ROCK2: variants seen among roughly 807,000 people sequenced by gnomAD.
ROCK2 encodes rho-associated protein kinase 2.
ROCK2 carries 61 observed loss-of-function variants against 195.1 expected under a neutral mutation model. The observed-to-expected ratio is 0.31, with a 90% CI of 0.25 to 0.39. The LOEUF (loss-of-function observed/expected upper bound fraction) is 0.39. ROCK2 is among the 10% of genes least tolerant of loss of function. The pLI is 1.00. For missense variants in ROCK2, 1,109 were observed against 1,637.4 expected, an observed-to-expected ratio of 0.68 and a Z score of 5.57; for synonymous variants, 504 against 545.5, an observed-to-expected ratio of 0.92 and a Z score of 1.06.
intron 1 of ROCK2, among the ~76,000 whole-genome samples, chr2:11,305,085 G>T (rs1042849043): frequency 6.6e-6 from 1 of 152,128 alleles, no homozygotes; most frequent in Admixed American, 6.5e-5. Context: ...TTATATAAAA[G>T]ATACAGGGGG....
In ROCK2 at chr2:11,201,706, T is replaced by C. The variant is rs532240230; in HGVS notation, c.2620-293A>G. 7.9e-5 allele frequency among the ~76,000 whole-genome samples: 12 copies of C among 152,242 alleles called. No individual in the cohort carries two copies. The South Asian group carries it at 2.3e-3, about 29-fold the overall frequency. The stretch of plus-strand genomic sequence containing the variant: ...AGGAGGCAAGGAAAAACATTAACAA[T>C]TTAGACAAAAAAATGTTATTGGCTT... On this transcript the variant is annotated intron_variant, in intron 21 of 32. Transcript: ENST00000315872. The surrounding 1 kb of genome is among the most constrained non-coding windows in gnomAD (Gnocchi z 4.6).
intron 1 of ROCK2, among the ~76,000 whole-genome samples, chr2:11,293,581 A>AT (rs1233660382): frequency 6.6e-6 from 1 of 151,866 alleles, no homozygotes; most frequent in Non-Finnish European, 1.5e-5. Context: ...AGTATTATTA[A>AT]TTTTTCCTTT....
Position 11,249,719 on chromosome 2 carries a change from G to A in ROCK2, c.404C>T (p.Ala135Val), listed in dbSNP as rs1226451739. The A allele has an allele frequency of 6.3e-7, 1 of 1,584,588 alleles. No homozygotes were observed. Among genetic ancestry groups the A allele is most frequent in the Non-Finnish European group, 8.6e-7 (1 of 1,167,062 alleles). ...AATATCTCTTTCTTCCCAAAAAAAG[G>A]CAGAATCTGATCTTTTTATCATTTC... is the stretch of plus-strand genomic sequence containing the variant. ...KFEMIKRSDS[A>V]FFWEERDIMA... Residue 135 changes from alanine to valine, a missense_variant, in exon 4 of 33, where the codon GCC becomes GTC. Physicochemically the swap from Ala to Val is moderately conservative, Grantham distance 64 (BLOSUM62 0). This residue lies in a region of ROCK2 where 253 missense variants were observed against 455.5 expected (regional missense o/e 0.56). Transcript: ENST00000315872.
intron 1 of ROCK2, among the ~76,000 whole-genome samples, chr2:11,295,886 G>A (rs1453117514): frequency 2.0e-5 from 3 of 151,786 alleles, no homozygotes; most frequent in Non-Finnish European, 4.4e-5. Context: ...AAACCCAAGA[G>A]GCGGAGCTTG....
At chr2:11,326,110 T>G (rs1668542543) in intron 1 of ROCK2, among the ~76,000 whole-genome samples, 1 of 152,156 alleles carries the variant, frequency 6.6e-6, no homozygotes, top group Non-Finnish European at 1.5e-5. Flanking sequence ...GCCCAGTAGG[T>G]AGCTGGATAT....
At chr2:11,315,438 A>T (rs949282503) in intron 1 of ROCK2, among the ~76,000 whole-genome samples, 8 of 151,902 alleles carry the variant, frequency 5.3e-5, no homozygotes, top group Non-Finnish European at 7.4e-5. Context: ...ACAGTTTAAA[A>T]TTTTTTTAAT....
chr2:11,205,955 A>G (rs537177078), intron 20 of ROCK2, among the ~76,000 whole-genome samples: 1 of 152,230 alleles, frequency 6.6e-6, no homozygotes, highest in African/African-American at 2.4e-5. Flanking sequence ...CTAAAAATAC[A>G]AAAATAAGCC....
intron 32 of ROCK2, among the ~76,000 whole-genome samples, chr2:11,185,449 C>T (rs989724091): frequency 6.6e-6 from 1 of 152,194 alleles, no homozygotes; most frequent in Non-Finnish European, 1.5e-5. Flanking sequence ...AGCCACCTGG[C>T]CAGATGCGGT....
chr2:11,249,815 A>G lies in ROCK2; in HGVS notation c.325-17T>C. The G allele has an allele frequency of 6.8e-7, 1 of 1,477,104 alleles. No individual in the cohort carries two copies. The highest frequency in any genetic ancestry group is 9.0e-7 in the Non-Finnish European group (1 of 1,116,056). The allele number at this position is 1,477,104 out of a possible 1,614,324, so 91.5% of individuals were successfully genotyped here. ...GTGACGAACCTGTTGATTTTTGAAA[A>G]CACAAAAATTAATACTTTCATGTTA... On this transcript the variant is annotated splice_polypyrimidine_tract_variant and intron_variant, in intron 3 of 32. Transcript: ENST00000315872.
chr2:11,322,983 A>G (rs1472125970), intron 1 of ROCK2, among the ~76,000 whole-genome samples: 1 of 152,236 alleles, frequency 6.6e-6, no homozygotes, highest in African/African-American at 2.4e-5. Flanking sequence ...AAAAAATCCA[A>G]AGCAGTGCTC....
At position 11,215,417 on chromosome 2, in the gene ROCK2, G is replaced by C; in HGVS notation, c.1598-5C>G. On this transcript the variant is annotated splice_polypyrimidine_tract_variant and splice_region_variant and intron_variant, in intron 14 of 32. Coordinates refer to ENST00000315872, the MANE Select transcript of ROCK2 (RefSeq NM_004850.5). ...GTTGATCTTTTAAGCTGTTAACTATGATAAAAAGCATTTCAGTGGCAAGCT... is the reference window on the plus strand; with the variant it reads ...GTTGATCTTTTAAGCTGTTAACTATCATAAAAAGCATTTCAGTGGCAAGCT... 1.9e-6 allele frequency: 3 copies of C among 1,602,090 alleles called. No homozygotes were observed. Among genetic ancestry groups the C allele is most frequent in the Non-Finnish European group, 2.6e-6 (3 of 1,174,710 alleles).
chr2:11,211,015 T>C (rs1461716802), intron 18 of ROCK2, among the ~76,000 whole-genome samples: 1 of 152,210 alleles, frequency 6.6e-6, no homozygotes, highest in African/African-American at 2.4e-5. Flanking sequence ...TTCACAAGAA[T>C]AGCTTAAAGT....
rs190116169 is a variant in ROCK2 at position 11,229,557 on chromosome 2, C to A, written c.724-2159G>T. Among the ~76,000 whole-genome samples the A allele has an allele frequency of 1.7e-3, 242 of 144,624 alleles. 1 individual carries two copies. Among genetic ancestry groups the A allele is most frequent in the African/African-American group, 5.5e-3 (214 of 38,738 alleles). The allele number at this position is 144,624 out of a possible 152,430, so 94.9% of individuals were successfully genotyped here. ...TCTCCTAAAACCAGAGGAAACTTCA[C>A]GTATCCAAAAAAAAAAATAAACATT... On this transcript the variant is annotated intron_variant, in intron 5 of 32. Transcript: ENST00000315872.
chr2:11,283,750 C>T (rs1399043921), intron 3 of ROCK2, among the ~76,000 whole-genome samples: 2 of 152,100 alleles, frequency 1.3e-5, no homozygotes, highest in East Asian at 1.9e-4. Flanking sequence ...GTTATAACAG[C>T]GACAAGACCA....
chr2:11,273,245 A>G (rs751375716), intron 3 of ROCK2, among the ~76,000 whole-genome samples: 24 of 152,174 alleles, frequency 1.6e-4, no homozygotes, highest in Admixed American at 2.6e-4. Context: ...AATTAAAAAA[A>G]AGATCCATCT....
At chr2:11,249,192 G>A in intron 4 of ROCK2, among the ~76,000 whole-genome samples, 1 of 152,078 alleles carries the variant, frequency 6.6e-6, no homozygotes, top group East Asian at 1.9e-4. Flanking sequence ...CACTGCGCCT[G>A]GCCACACAAA....
chr2:11,188,013 C>T (rs1663260472), intron 32 of ROCK2, among the ~76,000 whole-genome samples: 1 of 150,982 alleles, frequency 6.6e-6, no homozygotes, highest in Non-Finnish European at 1.5e-5. Flanking sequence ...TTGCTTTATA[C>T]TTTTCTGCAT....
intron 1 of ROCK2, among the ~76,000 whole-genome samples, chr2:11,298,469 CAAAAAAAAAAAAA>C (rs771356019): frequency 2.2e-5 from 1 of 45,038 alleles, no homozygotes; most frequent in Non-Finnish European, 4.8e-5. Flanking sequence ...GACTCCATCT[CAAAAAAAAAAAAA>C]AAAAAAAAAA....
intron 1 of ROCK2, among the ~76,000 whole-genome samples, chr2:11,318,802 A>T (rs1668310580): frequency 6.6e-6 from 1 of 152,230 alleles, no homozygotes; most frequent in Admixed American, 6.5e-5. Flanking sequence ...GAAGGGATCC[A>T]GTTTCAGCTT....
Sources: gnomAD v4.1 joint callset for allele counts (sites outside exome capture counted in the v4.1 genomes callset) on GRCh38, gnomAD v4.1.1 for gene constraint, gnomAD v4.1.1 regional missense constraint, Gnocchi (gnomAD v3.1) non-coding constraint, MANE v1.5 for transcripts, NCBI Gene and HGNC (gene_info 2026-07-23, HGNC 2026-07-21) for gene names.